The following ZBTB20 variants were observed in gnomAD, a reference collection of about 807,000 sequenced individuals.
ZBTB20 encodes zinc finger and BTB domain containing 20, also known as zinc finger and BTB domain-containing protein 20.
Under a neutral mutation model 56.9 loss-of-function variants are expected in ZBTB20, and 9 were observed. The observed-to-expected ratio is 0.16, with a 90% CI of 0.10 to 0.28. The LOEUF is 0.28. Ranked by LOEUF, ZBTB20 falls within the 10% of genes least tolerant of loss-of-function variation. The pLI is 1.00. For synonymous variants in ZBTB20, 417 were observed against 420.7 expected (o/e 0.99, Z 0.11); for missense variants, 655 against 1,003.0 (o/e 0.65, Z 4.69).
At chr3:114,864,837 C>G (rs1339508890) in intron 4 of ZBTB20, among the ~76,000 whole-genome samples, 4 of 152,090 alleles carry the variant, frequency 2.6e-5, no homozygotes, top group Non-Finnish European at 4.4e-5. Context: ...CCACTTGAGG[C>G]AAGAGGGTAA....
chr3:114,449,787 GCATGTTCAGACTAGCA>G (rs2091490007), intron 7 of ZBTB20, among the ~76,000 whole-genome samples: 1 of 151,714 alleles, frequency 6.6e-6, no homozygotes, highest in South Asian at 2.1e-4. Context: ...ATGAGATCAG[GCATGTTCAGACTAGCA>G]CATCTTTGCT....
intron 3 of ZBTB20, among the ~76,000 whole-genome samples, chr3:114,904,712 T>C (rs937939650): frequency 3.9e-5 from 6 of 152,092 alleles, no homozygotes; most frequent in East Asian, 3.9e-4. Flanking sequence ...GCTTATTTTG[T>C]AAATTACTGA....
At chr3:115,090,182 C>T (rs1560564445) in intron 1 of ZBTB20, among the ~76,000 whole-genome samples, 4 of 151,618 alleles carry the variant, frequency 2.6e-5, no homozygotes, top group South Asian at 4.2e-4. Flanking sequence ...CAACTAAAGT[C>T]GAGTTTTCTG....
At chr3:115,044,656 C>A (rs1232224941) in intron 2 of ZBTB20, among the ~76,000 whole-genome samples, 1 of 152,172 alleles carries the variant, frequency 6.6e-6, no homozygotes, top group African/African-American at 2.4e-5. Flanking sequence ...ATGCCAGAGC[C>A]CTGCCTTACA....
At chr3:114,752,957 A>C (rs2067680700) in intron 5 of ZBTB20, among the ~76,000 whole-genome samples, 1 of 152,120 alleles carries the variant, frequency 6.6e-6, no homozygotes, top group Non-Finnish European at 1.5e-5. Flanking sequence ...AAGATGAAAA[A>C]GAATTATTTT....
At chr3:115,117,559 C>G (rs974224200) in intron 1 of ZBTB20, among the ~76,000 whole-genome samples, 6 of 151,948 alleles carry the variant, frequency 3.9e-5, no homozygotes, top group Admixed American at 1.3e-4. Flanking sequence ...AATATGTCAT[C>G]TGCTTCAAAA....
chr3:114,602,368 A>G (rs1391412362), intron 6 of ZBTB20, among the ~76,000 whole-genome samples: 1 of 151,980 alleles, frequency 6.6e-6, no homozygotes, highest in Non-Finnish European at 1.5e-5. Context: ...GGTTCTCCCT[A>G]TGATACAGAA....
chr3:114,930,832 T>G, intron 3 of ZBTB20: 1 of 282,390 alleles, frequency 3.5e-6, no homozygotes, highest in Non-Finnish European at 7.1e-6. Flanking sequence ...GACTGTGGAG[T>G]TTGATGATGT....
At chr3:114,979,197 G>A (rs775749140) in intron 2 of ZBTB20, among the ~76,000 whole-genome samples, 1 of 151,990 alleles carries the variant, frequency 6.6e-6, no homozygotes, top group Non-Finnish European at 1.5e-5. Context: ...GAAAACTTAA[G>A]TTGGAGGTTA....
At chr3:114,990,588 A>C (rs1431177958) in intron 2 of ZBTB20, among the ~76,000 whole-genome samples, 1 of 152,152 alleles carries the variant, frequency 6.6e-6, no homozygotes, top group East Asian at 1.9e-4. Flanking sequence ...TGTCTCTGCC[A>C]GGCTTTGGTA....
intron 3 of ZBTB20, among the ~76,000 whole-genome samples, chr3:114,965,960 G>A (rs919666004): frequency 1.3e-5 from 2 of 151,984 alleles, no homozygotes; most frequent in Non-Finnish European, 1.5e-5. Context: ...CTTAGGTTGT[G>A]TCTTTACTGT....
intron 6 of ZBTB20, among the ~76,000 whole-genome samples, chr3:114,632,599 G>A (rs1274211000): frequency 6.6e-6 from 1 of 152,078 alleles, no homozygotes; most frequent in African/African-American, 2.4e-5. Flanking sequence ...TGATTCTTTT[G>A]TACTGTGCCC....
At chr3:115,099,782 A>G (rs996461924) in intron 1 of ZBTB20, among the ~76,000 whole-genome samples, 4 of 152,202 alleles carry the variant, frequency 2.6e-5, no homozygotes, top group African/African-American at 9.6e-5. Context: ...GCAATAAATA[A>G]GGACAACATG....
chr3:114,746,610 T>C (rs1224962259), intron 5 of ZBTB20, among the ~76,000 whole-genome samples: 1 of 152,194 alleles, frequency 6.6e-6, no homozygotes, highest in African/African-American at 2.4e-5. Context: ...GCTACAACAG[T>C]GTTTGAAAAA....
chr3:114,725,516 A>G (rs539176637), intron 5 of ZBTB20, among the ~76,000 whole-genome samples: 3 of 152,372 alleles, frequency 2.0e-5, no homozygotes, highest in African/African-American at 7.2e-5. Flanking sequence ...GAAATTGATA[A>G]TGAAAGTCAA....
intron 7 of ZBTB20, among the ~76,000 whole-genome samples, chr3:114,426,760 C>A (rs921547218): frequency 3.3e-5 from 5 of 152,082 alleles, no homozygotes; most frequent in African/African-American, 1.2e-4. Flanking sequence ...AACTGTTAAC[C>A]CTCTAAAACA....
chr3:114,816,163 T>G (rs1174037465), intron 4 of ZBTB20, among the ~76,000 whole-genome samples: 1 of 152,230 alleles, frequency 6.6e-6, no homozygotes, highest in Non-Finnish European at 1.5e-5. Context: ...GTGGGCTCTG[T>G]TATATATTCA....
chr3:114,473,728 C>T (rs1393857115), intron 7 of ZBTB20, among the ~76,000 whole-genome samples: 1 of 152,148 alleles, frequency 6.6e-6, no homozygotes, highest in Non-Finnish European at 1.5e-5. Flanking sequence ...CCTTCCCCTG[C>T]CTTCCCCAAG....
chr3:114,989,617 G>C (rs1351810105), intron 2 of ZBTB20, among the ~76,000 whole-genome samples: 1 of 152,114 alleles, frequency 6.6e-6, no homozygotes, highest in Non-Finnish European at 1.5e-5. Flanking sequence ...TTTTAAACTA[G>C]TTTTTTCCCA....
Sources: gnomAD v4.1 joint callset for allele counts (sites outside exome capture counted in the v4.1 genomes callset) on GRCh38, gnomAD v4.1.1 for gene constraint, MANE v1.5 for transcripts, NCBI Gene and HGNC (gene_info 2026-07-23, HGNC 2026-07-21) for gene names.